Variants in PCDHA2 observed in about 807,000 individuals in gnomAD.
PCDHA2 encodes protocadherin alpha 2.
Under a neutral mutation model 66.0 loss-of-function variants are expected in PCDHA2, and 58 were observed. That is an observed-to-expected ratio of 0.88 (90% CI 0.71 to 1.09). The LOEUF (loss-of-function observed/expected upper bound fraction) is 1.09, where lower values mean the gene tolerates loss of function less well. Among genes scored for constraint, PCDHA2 ranks in the 50% least tolerant of loss-of-function variants. PCDHA2 has a pLI of 0.00. For missense variants in PCDHA2, 1,267 were observed against 1,242.3 expected (o/e 1.02, Z -0.30); for synonymous variants, 634 against 554.0 (o/e 1.14, Z -2.03).
chr5:140,966,894 A>G, intron 1 of PCDHA2: 1 of 1,596,438 alleles, frequency 6.3e-7, no homozygotes, highest in Non-Finnish European at 8.5e-7. Flanking sequence ...GCGGCCTCCC[A>G]GCTGCGATAC....
At chr5:140,938,190 C>T (rs2091964057) in intron 1 of PCDHA2, among the ~76,000 whole-genome samples, 1 of 152,212 alleles carries the variant, frequency 6.6e-6, no homozygotes. Flanking sequence ...AAGCAATCCT[C>T]CCACGCCAGC....
At chr5:140,828,888 C>T in intron 1 of PCDHA2, 1 of 1,614,192 alleles carries the variant, frequency 6.2e-7, no homozygotes, top group East Asian at 2.2e-5. Flanking sequence ...AGACTGAATG[C>T]TTCTGATCGG....
rs2150154763 is a variant in PCDHA2, at chr5:140,828,384, G to A, written c.2388+31032G>A. ...ATCGACCGCGAGGAGCTGTGCGGGC[G>A]GAGCGCGGAGTGCAGCATCCACCTG... On this transcript the variant is annotated intron_variant, in intron 1 of 3. Coordinates refer to ENST00000526136, the MANE Select transcript of PCDHA2 (RefSeq NM_018905.3). The A allele has an allele frequency of 1.4e-5, 23 of 1,614,166 alleles. No individual in the cohort carries two copies. In the East Asian group the frequency reaches 4.0e-4, roughly 28 times the overall value.
rs552420407 is a variant in PCDHA2, at chr5:140,883,937, G to A, written c.2388+86585G>A. Reference sequence around the variant, plus strand: ...CGTGACGCTGCAGGTGTTCGTGCTGGACGAGAACGACAACGCTCCGGCGCT... The same window carrying A: ...CGTGACGCTGCAGGTGTTCGTGCTGAACGAGAACGACAACGCTCCGGCGCT... On this transcript the variant is annotated intron_variant, in intron 1 of 3. Transcript: ENST00000526136. The A allele has an allele frequency of 5.6e-6, 9 of 1,613,414 alleles. 1 individual carries two copies. The South Asian group carries it at 9.9e-5, about 18-fold the overall frequency.
At chr5:140,824,438 T>G in intron 1 of PCDHA2, 1 of 481,602 alleles carries the variant, frequency 2.1e-6, no homozygotes, top group Non-Finnish European at 3.6e-6. Context: ...AAAGTTTCAG[T>G]TTATGACTAC....
At position 141,010,031 on chromosome 5, in the gene PCDHA2, A is replaced by C; in HGVS notation, c.*94A>C. On this transcript the variant is annotated 3_prime_UTR_variant, in exon 4 of 4. Transcript: ENST00000526136. Reference sequence around the variant, plus strand: ...TTCCCTGCTCCTTTTTCCTATCTACATGAGCCCTCTTAGAGACCTCAGAAA... The same window carrying C: ...TTCCCTGCTCCTTTTTCCTATCTACCTGAGCCCTCTTAGAGACCTCAGAAA... 4 of 1,581,690 alleles carry C rather than the reference A, an allele frequency of 2.5e-6. No individual in the cohort carries two copies. Among genetic ancestry groups the C allele is most frequent in the South Asian group, 1.2e-5 (1 of 84,422 alleles).
At chr5:140,877,280 A>G (rs782014601) in intron 1 of PCDHA2, 14 of 1,613,734 alleles carry the variant, frequency 8.7e-6, no homozygotes, top group Non-Finnish European at 1.2e-5. Context: ...GACTCCGGCT[A>G]TAACGCTTGG....
chr5:140,991,310 C>T (rs1450251256), intron 3 of PCDHA2, among the ~76,000 whole-genome samples: 2 of 152,140 alleles, frequency 1.3e-5, no homozygotes, highest in Admixed American at 6.5e-5. Flanking sequence ...TATCTTGTCC[C>T]GCATGATACA....
At chr5:140,965,555 G>A (rs1373065218) in intron 1 of PCDHA2, among the ~76,000 whole-genome samples, 4 of 151,798 alleles carry the variant, frequency 2.6e-5, no homozygotes, top group Non-Finnish European at 5.9e-5. Flanking sequence ...CCTGGCTTAG[G>A]AGATCAACAG....
rs201493367 is a variant in PCDHA2 at position 140,795,034 on chromosome 5, T to C, written c.70T>C (p.Trp24Arg). ...RLLSLLLLAA[W>R]EVGSGQLRYS... Reference sequence around the variant, plus strand: ...GCTCTCGCTTCTGCTCCTCGCAGCCTGGGAGGTGGGGAGCGGCCAGCTCCG... The same window carrying C: ...GCTCTCGCTTCTGCTCCTCGCAGCCCGGGAGGTGGGGAGCGGCCAGCTCCG... Residue 24 changes from tryptophan to arginine, a missense_variant, in exon 1 of 4, where the codon TGG becomes CGG. Coordinates refer to ENST00000526136, the MANE Select transcript of PCDHA2 (RefSeq NM_018905.3). 935 of 1,613,712 alleles carry C rather than the reference T, an allele frequency of 5.8e-4. 2 individuals are homozygous for C. Among genetic ancestry groups the C allele is most frequent in the Non-Finnish European group, 7.5e-4 (880 of 1,179,990 alleles).
intron 1 of PCDHA2, chr5:140,823,086 C>A (rs377181493): frequency 1.2e-6 from 2 of 1,613,884 alleles, no homozygotes; most frequent in African/African-American, 2.7e-5. Context: ...TGTGGGCCAC[C>A]GCCAGCGTGT....
intron 1 of PCDHA2, chr5:140,860,111 A>T (rs1337460322): frequency 6.6e-6 from 1 of 151,186 alleles, no homozygotes; most frequent in African/African-American, 2.4e-5. Context: ...CGACATAGGG[A>T]TATCTTGTAC....
chr5:140,819,945 T>C (rs1197937432), intron 1 of PCDHA2, among the ~76,000 whole-genome samples: 1 of 152,020 alleles, frequency 6.6e-6, no homozygotes, highest in East Asian at 1.9e-4. Flanking sequence ...GCCTTTTAAA[T>C]ACTTAATATT....
rs1484311028 is a variant in PCDHA2 at position 140,850,855 on chromosome 5, G to C, written c.2388+53503G>C. 8.1e-6 allele frequency: 13 copies of C among 1,595,270 alleles called. No individual in the cohort carries two copies. In the South Asian group the frequency reaches 1.4e-4, roughly 18 times the overall value. ...TGTGCTGGATCTACAGAGCGAACGG[G>C]AGAACCCTCTGCTTCCTCAGATTCA... On this transcript the variant is annotated intron_variant, in intron 1 of 3. Transcript: ENST00000526136.
chr5:140,993,128 T>A (rs1250312762), intron 3 of PCDHA2, among the ~76,000 whole-genome samples: 2 of 152,234 alleles, frequency 1.3e-5, no homozygotes, highest in Non-Finnish European at 2.9e-5. Flanking sequence ...AATTTCCTTC[T>A]GTTGCAACAA....
chr5:140,920,854 A>C (rs1369314704), intron 1 of PCDHA2, among the ~76,000 whole-genome samples: 1 of 152,006 alleles, frequency 6.6e-6, no homozygotes, highest in East Asian at 1.9e-4. Context: ...AAAAAAAAAA[A>C]AAAACAAACA....
At chr5:140,803,643 A>C (rs181372274) in intron 1 of PCDHA2, 30 of 1,613,254 alleles carry the variant, frequency 1.9e-5, no homozygotes, top group Admixed American at 1.7e-4. Context: ...TTCATTCCTC[A>C]ATGTTTCCAC....
chr5:140,939,034 A>T (rs1367274051), intron 1 of PCDHA2, among the ~76,000 whole-genome samples: 1 of 152,216 alleles, frequency 6.6e-6, no homozygotes, highest in Non-Finnish European at 1.5e-5. Context: ...TATTCGGAAG[A>T]GTTGTCTTAG....
intron 3 of PCDHA2, among the ~76,000 whole-genome samples, chr5:140,991,246 AT>A (rs1239917412): frequency 6.6e-6 from 1 of 152,206 alleles, no homozygotes; most frequent in African/African-American, 2.4e-5. Context: ...TAAAGGCAGT[AT>A]TTGAACTCAT....
Sources: gnomAD v4.1 joint callset for allele counts (sites outside exome capture counted in the v4.1 genomes callset) on GRCh38, gnomAD v4.1.1 for gene constraint, MANE v1.5 for transcripts, NCBI Gene and HGNC (gene_info 2026-07-23, HGNC 2026-07-21) for gene names.